The following DCLK1 variants were observed in gnomAD, a reference collection of about 807,000 sequenced individuals.
The protein encoded by DCLK1 is doublecortin like kinase 1.
DCLK1 carries 16 observed loss-of-function variants against 86.2 expected under a neutral mutation model. That is an observed-to-expected ratio of 0.19 (90% CI 0.13 to 0.28). The LOEUF is 0.28. DCLK1 is among the 10% of genes least tolerant of loss of function. The probability of loss-of-function intolerance (pLI) is 1.00; values close to 1 mark genes in which losing one functional copy is unlikely to be tolerated. For missense variants in DCLK1, 590 were observed against 940.2 expected, an observed-to-expected ratio of 0.63 and a Z score of 4.87; for synonymous variants, 369 against 370.5, an observed-to-expected ratio of 1.00 and a Z score of 0.05.
At chr13:35,848,971 T>G (rs1264894763) in intron 6 of DCLK1, 2 of 985,222 alleles carry the variant, frequency 2.0e-6, no homozygotes, top group Non-Finnish European at 1.2e-6. Context: ...TTGGAAACAG[T>G]TTTAAAACCT....
chr13:35,984,897 GCACACACACACA>G (rs10598942), intron 3 of DCLK1, among the ~76,000 whole-genome samples: 4 of 148,350 alleles, frequency 2.7e-5, no homozygotes, highest in African/African-American at 9.9e-5. Context: ...GCGTGCGCAT[GCACACACACACA>G]CACACACACA....
chr13:35,965,999 G>C (rs1179771973), intron 3 of DCLK1, among the ~76,000 whole-genome samples: 1 of 152,142 alleles, frequency 6.6e-6, no homozygotes, highest in African/African-American at 2.4e-5. Flanking sequence ...TCAAGGTAAA[G>C]AGACAAACAA....
chr13:35,821,452 A>C (rs188678010), intron 11 of DCLK1, among the ~76,000 whole-genome samples: 11 of 152,118 alleles, frequency 7.2e-5, no homozygotes, highest in Admixed American at 7.2e-4. Flanking sequence ...ATCTAGGCCC[A>C]GAAATTTGCA....
At chr13:35,870,930 C>T (rs574679186) in intron 5 of DCLK1, among the ~76,000 whole-genome samples, 18 of 152,326 alleles carry the variant, frequency 1.2e-4, no homozygotes, top group African/African-American at 4.3e-4. Flanking sequence ...CTTCCAGAAT[C>T]TGAAAGATTA....
chr13:36,078,809 C>A (rs570552511), intron 3 of DCLK1, among the ~76,000 whole-genome samples: 1 of 152,182 alleles, frequency 6.6e-6, no homozygotes, highest in South Asian at 2.1e-4. Flanking sequence ...TCCAATTTTA[C>A]GTAATGTGAA....
rs997508253 is a variant in DCLK1, at chr13:35,769,143, A to G, written c.*5392T>C. The G allele has an allele frequency of 2.6e-5, 4 of 152,208 alleles. No homozygotes were observed. The highest frequency in any genetic ancestry group is 6.5e-5 in the Admixed American group (1 of 15,280). The allele number at this position is 152,208 out of a possible 1,614,324, so 9.4% of individuals were successfully genotyped here. A position where few individuals can be genotyped will look rare whatever the true frequency, so the allele number is the denominator to read the frequency against. On this transcript the variant is annotated 3_prime_UTR_variant, in exon 17 of 17. Transcript: ENST00000360631. The stretch of plus-strand genomic sequence containing the variant: ...CAGCTTAAACTGAAGGATTAGGGGG[A>G]AAAATTGGATCTCATTCCACCTTTA...
At chr13:35,803,183 C>G (rs980538589) in intron 15 of DCLK1, among the ~76,000 whole-genome samples, 1 of 152,186 alleles carries the variant, frequency 6.6e-6, no homozygotes, top group Admixed American at 6.5e-5. Flanking sequence ...GAGAAAATCA[C>G]CCTGCATAGC....
At chr13:35,992,040 T>C (rs1880255106) in intron 3 of DCLK1, among the ~76,000 whole-genome samples, 1 of 152,210 alleles carries the variant, frequency 6.6e-6, no homozygotes, top group South Asian at 2.1e-4. Context: ...CAGTAGATTT[T>C]GGTTTAATTG....
At chr13:35,941,287 T>C (rs556232596) in intron 4 of DCLK1, among the ~76,000 whole-genome samples, 3 of 152,300 alleles carry the variant, frequency 2.0e-5, no homozygotes, top group Admixed American at 1.3e-4. Context: ...TTAGGGAAAG[T>C]GATCAGAACC....
intron 3 of DCLK1, among the ~76,000 whole-genome samples, chr13:36,028,576 G>C (rs182104806): frequency 2.6e-4 from 39 of 152,300 alleles, no homozygotes; most frequent in African/African-American, 8.9e-4. Flanking sequence ...CTGCACCCAG[G>C]TGATGTCAGA....
intron 4 of DCLK1, among the ~76,000 whole-genome samples, chr13:35,945,147 G>A (rs367686227): frequency 2.0e-4 from 30 of 152,094 alleles, no homozygotes; most frequent in Non-Finnish European, 3.5e-4. Context: ...TGATCTGCCC[G>A]CCTTGGCCTC....
intron 3 of DCLK1, among the ~76,000 whole-genome samples, chr13:36,013,982 C>A (rs886461459): frequency 6.6e-6 from 1 of 152,180 alleles, no homozygotes; most frequent in African/African-American, 2.4e-5. Context: ...CAGGTGCGTC[C>A]GTCACCCCTT....
intron 6 of DCLK1, chr13:35,850,702 A>G (rs1870554508): frequency 1.3e-6 from 2 of 1,591,636 alleles, no homozygotes; most frequent in South Asian, 1.1e-5. Flanking sequence ...AACCATATAC[A>G]TTGCTCCATT....
chr13:36,014,990 C>T (rs1881479679), intron 3 of DCLK1, among the ~76,000 whole-genome samples: 2 of 67,594 alleles, frequency 3.0e-5, no homozygotes, highest in East Asian at 4.9e-4. Flanking sequence ...CTCTCTCCCT[C>T]TCTCTCTCTC....
intron 16 of DCLK1, among the ~76,000 whole-genome samples, chr13:35,784,847 G>A (rs768204881): frequency 3.3e-5 from 5 of 152,090 alleles, no homozygotes; most frequent in African/African-American, 4.8e-5. Context: ...GCTTCTGGCC[G>A]AGGCGGGCCC....
At chr13:35,812,436 C>T (rs916430300) in intron 11 of DCLK1, among the ~76,000 whole-genome samples, 1 of 152,180 alleles carries the variant, frequency 6.6e-6, no homozygotes, top group African/African-American at 2.4e-5. Flanking sequence ...CTGTTACTTG[C>T]TGCAGTAGTT....
intron 3 of DCLK1, among the ~76,000 whole-genome samples, chr13:36,060,513 T>C (rs1231763813): frequency 6.6e-6 from 1 of 152,206 alleles, no homozygotes; most frequent in Non-Finnish European, 1.5e-5. Context: ...GTATTATACT[T>C]GACTGATAAA....
At chr13:35,788,329 C>T in intron 16 of DCLK1, 1 of 1,582,936 alleles carries the variant, frequency 6.3e-7, no homozygotes, top group South Asian at 1.1e-5. Context: ...CAGCATTGTG[C>T]TAAAGAATTA....
At chr13:35,958,106 C>T (rs1878155823) in intron 3 of DCLK1, among the ~76,000 whole-genome samples, 3 of 538 alleles carry the variant, frequency 5.6e-3, no homozygotes, top group Non-Finnish European at 0.01. Flanking sequence ...CCGCTATAAC[C>T]ACCATCACCA....
Sources: allele counts gnomAD v4.1 joint callset (sites outside exome capture counted in the v4.1 genomes callset), GRCh38; gene constraint gnomAD v4.1.1; transcripts MANE v1.5; gene names NCBI Gene and HGNC (gene_info 2026-07-23, HGNC 2026-07-21).